Variants in FBXL7 observed in about 807,000 individuals in gnomAD.
FBXL7 encodes the protein F-box/LRR-repeat protein 7.
Under a neutral mutation model 38.3 loss-of-function variants are expected in FBXL7, and 12 were observed. The ratio of observed to expected loss-of-function variants is 0.31; its 90% CI spans 0.20 to 0.51. FBXL7 has a LOEUF of 0.51. FBXL7 is among the 20% of genes least tolerant of loss of function. The probability of loss-of-function intolerance (pLI) is 0.98; values close to 1 mark genes in which losing one functional copy is unlikely to be tolerated. For missense variants in FBXL7, 567 were observed against 676.4 expected (o/e 0.84, Z 1.79); for synonymous variants, 297 against 300.9 (o/e 0.99, Z 0.13).
At chr5:15,652,541 C>T (rs1378815347) in intron 2 of FBXL7, among the ~76,000 whole-genome samples, 1 of 152,204 alleles carries the variant, frequency 6.6e-6, no homozygotes, top group Non-Finnish European at 1.5e-5. Context: ...GCTGGGATTA[C>T]AGGCGTGAGC....
intron 2 of FBXL7, among the ~76,000 whole-genome samples, chr5:15,661,741 C>T (rs1742082789): frequency 6.6e-6 from 1 of 152,134 alleles, no homozygotes; most frequent in Non-Finnish European, 1.5e-5. Flanking sequence ...GTTCATAAAT[C>T]CTCATTATTT....
intron 2 of FBXL7, among the ~76,000 whole-genome samples, chr5:15,838,708 C>T (rs1021295510): frequency 1.3e-5 from 2 of 152,150 alleles, no homozygotes; most frequent in Non-Finnish European, 2.9e-5. Context: ...TCTTTCTCTA[C>T]TCCCACGACT....
intron 1 of FBXL7, among the ~76,000 whole-genome samples, chr5:15,585,200 A>C (rs1739266056): frequency 6.6e-6 from 1 of 152,208 alleles, no homozygotes; most frequent in Non-Finnish European, 1.5e-5. Flanking sequence ...TAAGAAGGGG[A>C]CACATTTGTA....
At chr5:15,696,159 C>T (rs1213043673) in intron 2 of FBXL7, among the ~76,000 whole-genome samples, 1 of 152,150 alleles carries the variant, frequency 6.6e-6, no homozygotes, top group Non-Finnish European at 1.5e-5. Context: ...CAGTGCTTTA[C>T]TGGAATACGT....
intron 2 of FBXL7, among the ~76,000 whole-genome samples, chr5:15,779,173 TGGTTACCAGA>T (rs1424939821): frequency 2.0e-5 from 3 of 151,862 alleles, no homozygotes; most frequent in South Asian, 2.1e-4. Flanking sequence ...TTCAGAATGG[TGGTTACCAGA>T]GGCTGGGAAG....
intron 2 of FBXL7, among the ~76,000 whole-genome samples, chr5:15,829,658 T>A (rs1371752382): frequency 6.6e-6 from 1 of 152,236 alleles, no homozygotes; most frequent in African/African-American, 2.4e-5. Flanking sequence ...CTTTCTTTGC[T>A]TTAAAATTCA....
intron 2 of FBXL7, among the ~76,000 whole-genome samples, chr5:15,728,348 A>G (rs1463125649): frequency 6.6e-6 from 1 of 152,126 alleles, no homozygotes; most frequent in African/African-American, 2.4e-5. Flanking sequence ...ATTTTTGCAG[A>G]TAAATAAATT....
intron 2 of FBXL7, among the ~76,000 whole-genome samples, chr5:15,752,954 C>T (rs1319854518): frequency 6.6e-6 from 1 of 152,180 alleles, no homozygotes; most frequent in East Asian, 1.9e-4. Flanking sequence ...TTTAATCAAT[C>T]TTTGTTTTCA....
intron 2 of FBXL7, among the ~76,000 whole-genome samples, chr5:15,622,920 G>T (rs2126529957): frequency 6.6e-6 from 1 of 151,980 alleles, no homozygotes; most frequent in South Asian, 2.1e-4. Flanking sequence ...GGCCAGGCTG[G>T]TCTCAAACTC....
chr5:15,549,656 T>C (rs1738006746), intron 1 of FBXL7, among the ~76,000 whole-genome samples: 1 of 152,242 alleles, frequency 6.6e-6, no homozygotes, highest in Admixed American at 6.5e-5. Flanking sequence ...ATTTGAATTT[T>C]ATGAATACAA....
intron 2 of FBXL7, among the ~76,000 whole-genome samples, chr5:15,922,500 G>A (rs1741769712): frequency 6.6e-6 from 1 of 152,152 alleles, no homozygotes; most frequent in South Asian, 2.1e-4. Flanking sequence ...TGCAGGGAAG[G>A]AAGGCGTTTA....
intron 1 of FBXL7, among the ~76,000 whole-genome samples, chr5:15,569,196 A>C (rs1738684492): frequency 6.6e-6 from 1 of 152,142 alleles, no homozygotes; most frequent in Non-Finnish European, 1.5e-5. Context: ...GGCCATTTTC[A>C]CAATATTGAT....
chr5:15,703,878 A>G (rs1743601703), intron 2 of FBXL7, among the ~76,000 whole-genome samples: 1 of 152,206 alleles, frequency 6.6e-6, no homozygotes, highest in Admixed American at 6.5e-5. Context: ...ACAAAATAAT[A>G]AATACAATTG....
chr5:15,580,413 CTCCCTCTCTGGATGGGGGCATGGCAAGG>C (rs1739099607), intron 1 of FBXL7, among the ~76,000 whole-genome samples: 1 of 152,172 alleles, frequency 6.6e-6, no homozygotes, highest in Non-Finnish European at 1.5e-5. Flanking sequence ...GAGAATCAGA[CTCCCTCTCTGGATGGGGGCATGGCAAGG>C]TCTAGGGGCC....
intron 1 of FBXL7, among the ~76,000 whole-genome samples, chr5:15,545,231 C>G (rs950225413): frequency 6.6e-6 from 1 of 152,200 alleles, no homozygotes; most frequent in African/African-American, 2.4e-5. Context: ...TATCTGGTAC[C>G]AATTCAGATA....
intron 2 of FBXL7, among the ~76,000 whole-genome samples, chr5:15,774,413 T>G (rs1456330602): frequency 2.0e-5 from 3 of 151,848 alleles, no homozygotes; most frequent in Non-Finnish European, 1.5e-5. Flanking sequence ...TGGTGGAGGG[T>G]GGGGGGGCTA....
chr5:15,745,164 CATTT>C (rs1735982104), intron 2 of FBXL7, among the ~76,000 whole-genome samples: 1 of 151,890 alleles, frequency 6.6e-6, no homozygotes, highest in South Asian at 2.1e-4. Flanking sequence ...TCAATTTAAA[CATTT>C]AGTTATAAAT....
At chr5:15,780,449 G>T (rs1736964941) in intron 2 of FBXL7, among the ~76,000 whole-genome samples, 4 of 152,162 alleles carry the variant, frequency 2.6e-5, no homozygotes, top group Admixed American at 2.0e-4. Flanking sequence ...ATTACTGACT[G>T]TATTTTGGGA....
At chr5:15,555,574 T>C (rs1420269555) in intron 1 of FBXL7, among the ~76,000 whole-genome samples, 1 of 152,176 alleles carries the variant, frequency 6.6e-6, no homozygotes, top group Non-Finnish European at 1.5e-5. Flanking sequence ...TTAGACACAG[T>C]TGCTGTCACA....
Sources: allele counts gnomAD v4.1 joint callset (sites outside exome capture counted in the v4.1 genomes callset), GRCh38; gene constraint gnomAD v4.1.1; transcripts MANE v1.5; gene names NCBI Gene and HGNC (gene_info 2026-07-23, HGNC 2026-07-21).